Variants in CCDC50 observed in about 807,000 individuals in gnomAD.
The protein encoded by CCDC50 is coiled-coil domain-containing protein 50.
Under a neutral mutation model 70.2 loss-of-function variants are expected in CCDC50, and 54 were observed. The observed-to-expected ratio is 0.77, with a 90% CI of 0.62 to 0.96. CCDC50 has a LOEUF of 0.96. Among genes scored for constraint, CCDC50 ranks in the 50% least tolerant of loss-of-function variants. CCDC50 has a pLI of 0.00. For missense variants in CCDC50, 558 were observed against 578.7 expected (o/e 0.96, Z 0.37); for synonymous variants, 216 against 198.8 (o/e 1.09, Z -0.73).
chr3:191,361,274 G>A (rs1226371156), intron 4 of CCDC50, 115 bp downstream of exon 4: 1 of 748,960 alleles, frequency 1.3e-6, no homozygotes, highest in African/African-American at 1.7e-5. Context: ...GAAGCAGAAT[G>A]CCTCTTATTT....
chr3:191,397,173 A>G lies in CCDC50; in HGVS notation c.*5413A>G, dbSNP rs960251960. On this transcript the variant is annotated 3_prime_UTR_variant, in exon 12 of 12. Transcript: ENST00000392455. ...GATCAAGTAAGGAGTAAGAACAAGTAAGGGAAGACAGCTAAGAGAACATAC... is the reference window on the plus strand; with the variant it reads ...GATCAAGTAAGGAGTAAGAACAAGTGAGGGAAGACAGCTAAGAGAACATAC... 9.2e-5 allele frequency: 14 copies of G among 152,216 alleles called. No homozygotes were observed. Among genetic ancestry groups the G allele is most frequent in the African/African-American group, 3.1e-4 (13 of 41,454 alleles). 9.4% of individuals were successfully genotyped at this position (152,216 alleles called of 1,614,324 possible).
intron 3 of CCDC50, 85 bp downstream of exon 3, chr3:191,358,209 C>CT (rs1171168180): frequency 5.3e-6 from 8 of 1,500,638 alleles, no homozygotes; most frequent in Non-Finnish European, 7.4e-6. Context: ...AAGGAGACTA[C>CT]TTCTGTTCCT....
intron 1 of CCDC50, among the ~76,000 whole-genome samples, chr3:191,331,730 T>C (rs1476909355): frequency 1.3e-5 from 2 of 152,168 alleles, no homozygotes; most frequent in African/African-American, 4.8e-5. Flanking sequence ...AGTATTCAAG[T>C]CTAATAAAGT....
chr3:191,375,193 C>G lies in CCDC50; in HGVS notation c.580C>G (p.Pro194Ala), dbSNP rs1196303727. ...PEHPLENLEE[P>A]EQHCSSKRSL... ...ACATCCACTGGAGAACTTGGAAGAG[C>G]CAGAACAACATTGTTCATCGAAGAG... The change falls in exon 6 of 12, where the codon CCA becomes GCA. Residue 194 changes from proline (P) to alanine (A), a missense_variant. Physicochemically the swap from Pro to Ala is conservative, Grantham distance 27. Coordinates refer to ENST00000392455, the MANE Select transcript of CCDC50 (RefSeq NM_178335.3). 33 of 1,613,612 alleles carry G rather than the reference C, an allele frequency of 2.0e-5. No individual in the cohort carries two copies. The highest frequency in any genetic ancestry group is 2.6e-5 in the Non-Finnish European group (31 of 1,179,814).
intron 5 of CCDC50, among the ~76,000 whole-genome samples, chr3:191,374,022 T>A (rs1426636602): frequency 6.6e-6 from 1 of 152,190 alleles, no homozygotes; most frequent in Non-Finnish European, 1.5e-5. Flanking sequence ...CAGCAAGTGG[T>A]TAATTCCATC....
At chr3:191,358,300 T>A (rs895666239) in intron 3 of CCDC50, among the ~76,000 whole-genome samples, 176 bp downstream of exon 3, 4 of 152,216 alleles carry the variant, frequency 2.6e-5, no homozygotes, top group Non-Finnish European at 5.9e-5. Flanking sequence ...TTTGTTTTTG[T>A]TGGAGCACTT....
At chr3:191,363,099 GAA>G (rs1712553409) in intron 4 of CCDC50, among the ~76,000 whole-genome samples, 1 of 150,570 alleles carries the variant, frequency 6.6e-6, no homozygotes. Context: ...TCCGTTTAGA[GAA>G]AAACAGGATA....
chr3:191,338,298 A>G (rs1327127419), intron 1 of CCDC50, among the ~76,000 whole-genome samples: 2 of 152,300 alleles, frequency 1.3e-5, no homozygotes, highest in South Asian at 4.1e-4. Context: ...CTTTTATATT[A>G]TGAAGGTCTG....
In CCDC50 at chr3:191,353,226, A is replaced by G. The variant is rs1475786173; in HGVS notation, c.50-3862A>G. ...AATGTCTGGGCAGAGGGGAGAGCCT[A>G]CGGGACCATTGAGATCTGGTGGGAA... On this transcript the variant is annotated intron_variant, in intron 1 of 11. Transcript: ENST00000392455. Among the ~76,000 whole-genome samples the G allele has an allele frequency of 3.5e-5, 5 of 142,390 alleles. 1 individual carries two copies. Among genetic ancestry groups the G allele is most frequent in the Non-Finnish European group, 7.9e-5 (5 of 63,128 alleles). The allele number at this position is 142,390 out of a possible 152,430, so 93.4% of individuals were successfully genotyped here.
At chr3:191,361,789 G>A (rs1421679061) in intron 4 of CCDC50, among the ~76,000 whole-genome samples, 1 of 152,064 alleles carries the variant, frequency 6.6e-6, no homozygotes, top group Non-Finnish European at 1.5e-5. Context: ...ATTTAGAGAG[G>A]GCACACTATT....
intron 1 of CCDC50, among the ~76,000 whole-genome samples, chr3:191,343,660 G>A (rs890648206): frequency 1.3e-5 from 2 of 152,112 alleles, no homozygotes; most frequent in Non-Finnish European, 2.9e-5. Context: ...TTTTAAAGAA[G>A]GTACAGGAGA....
chr3:191,368,082 TC>T (rs748834000), intron 4 of CCDC50, among the ~76,000 whole-genome samples: 51 of 152,020 alleles, frequency 3.4e-4, no homozygotes, highest in Non-Finnish European at 6.8e-4. Flanking sequence ...GTTCAAACTT[TC>T]TATTGTACAG....
At chr3:191,364,439 A>G (rs1712609418) in intron 4 of CCDC50, among the ~76,000 whole-genome samples, 1 of 150,508 alleles carries the variant, frequency 6.6e-6, no homozygotes, top group Non-Finnish European at 1.5e-5. Context: ...GTTAATAAGG[A>G]CTTAGCAGCA....
intron 7 of CCDC50, among the ~76,000 whole-genome samples, 176 bp from the exon 8 acceptor site, chr3:191,380,511 A>G (rs1056991686): frequency 3.3e-5 from 5 of 152,108 alleles, no homozygotes; most frequent in African/African-American, 9.6e-5. Context: ...ACCCTGCTGT[A>G]GGATTTGATA....
rs1251477816 is a variant in CCDC50 at position 191,361,075 on chromosome 3, A to G, written c.246A>G (p.Gln82=). Residue 82 remains glutamine (Q), a synonymous_variant, in exon 4 of 12, where the codon CAA becomes CAG. Transcript: ENST00000392455. ...TTTCACCTTTGCTTTTTAGTGAACA[A>G]CAAGACTGTGAAATTGCTCAGGAAA... ...QLQKRYKDLE[Q]QDCEIAQEIQ... is the part of the protein sequence containing the mutation. The G allele has an allele frequency of 6.2e-7, 1 of 1,613,280 alleles. No homozygotes were observed. Among genetic ancestry groups the G allele is most frequent in the South Asian group, 1.1e-5 (1 of 91,072 alleles).
At chr3:191,353,042 T>A (rs1386164660) in intron 1 of CCDC50, among the ~76,000 whole-genome samples, 1 of 142,076 alleles carries the variant, frequency 7.0e-6, no homozygotes, top group East Asian at 1.9e-4. Context: ...ACAAAGTCCC[T>A]GCTATGAAGA....
chr3:191,347,224 A>AT lies in CCDC50; in HGVS notation c.50-9858dup, dbSNP rs1259629022. ...CTGAAGGTTTTTCTCCTTTCTTCTT[A>AT]TTTTTTGGATATCAACCTTGAGTTG... On this transcript the variant is annotated intron_variant, in intron 1 of 11. Transcript: ENST00000392455. Among the ~76,000 whole-genome samples the AT allele has an allele frequency of 1.4e-5, 2 of 141,902 alleles. 1 individual carries two copies. The highest frequency in any genetic ancestry group is 3.2e-5 in the Non-Finnish European group (2 of 62,984). 93.1% of individuals were successfully genotyped at this position (141,902 alleles called of 152,430 possible).
At chr3:191,342,937 T>G (rs1417559809) in intron 1 of CCDC50, among the ~76,000 whole-genome samples, 1 of 152,226 alleles carries the variant, frequency 6.6e-6, no homozygotes, top group Admixed American at 6.5e-5. Flanking sequence ...TGAGAATAAT[T>G]GATAAGTACC....
chr3:191,329,594 C>G lies in CCDC50; in HGVS notation c.-81C>G. 6.8e-7 allele frequency: 1 copy of G among 1,471,886 alleles called. No homozygotes were observed. 91.2% of individuals were successfully genotyped at this position (1,471,886 alleles called of 1,614,324 possible). A position where few individuals can be genotyped will look rare whatever the true frequency, so the allele number is the denominator to read the frequency against. ...GGACTTTGCGCCGCGTCCGGCGCTG[C>G]TGCTGCGCTCGGGGCCCCGCTCGGC... On this transcript the variant is annotated 5_prime_UTR_variant, in exon 1 of 12. Coordinates refer to ENST00000392455, the MANE Select transcript of CCDC50 (RefSeq NM_178335.3).
Sources: gnomAD v4.1 joint callset for allele counts (sites outside exome capture counted in the v4.1 genomes callset) on GRCh38, gnomAD v4.1.1 for gene constraint, MANE v1.5 for transcripts, NCBI Gene and HGNC (gene_info 2026-07-23, HGNC 2026-07-21) for gene names.